Variants in DPP10 observed in about 807,000 individuals in gnomAD.
DPP10 encodes dipeptidyl peptidase like 10, also known as inactive dipeptidyl peptidase 10.
Under a neutral mutation model 120.9 loss-of-function variants are expected in DPP10, and 33 were observed. The ratio of observed to expected loss-of-function variants is 0.27; its 90% CI spans 0.21 to 0.37. DPP10 has a LOEUF of 0.37. DPP10 is among the 10% of genes least tolerant of loss of function. The pLI, the probability that DPP10 is intolerant of heterozygous loss-of-function variation, is 1.00. For synonymous variants in DPP10, 337 were observed against 326.1 expected (o/e 1.03, Z -0.36); for missense variants, 816 against 942.8 (o/e 0.87, Z 1.76).
chr2:114,967,331 G>A (rs1699104872), intron 1 of DPP10, among the ~76,000 whole-genome samples: 1 of 152,196 alleles, frequency 6.6e-6, no homozygotes, highest in African/African-American at 2.4e-5. Flanking sequence ...TGGGAACTCT[G>A]CTCTGTGGAA....
At chr2:115,717,736 G>A (rs1010933238) in intron 7 of DPP10, among the ~76,000 whole-genome samples, 1 of 152,188 alleles carries the variant, frequency 6.6e-6, no homozygotes, top group Non-Finnish European at 1.5e-5. Context: ...ATCTGATGAG[G>A]TTGCTGCAAC....
At chr2:114,652,045 A>T (rs946503491) in intron 1 of DPP10, among the ~76,000 whole-genome samples, 3 of 152,138 alleles carry the variant, frequency 2.0e-5, no homozygotes, top group Admixed American at 6.5e-5. Flanking sequence ...GATATCCATG[A>T]AGAAAAAAGG....
chr2:115,490,272 C>A (rs527961420), intron 3 of DPP10, among the ~76,000 whole-genome samples: 10 of 152,250 alleles, frequency 6.6e-5, no homozygotes, highest in African/African-American at 2.4e-4. Context: ...GAAGGTACGT[C>A]TTCACAGGGC....
At chr2:115,677,927 A>G (rs931634321) in intron 5 of DPP10, among the ~76,000 whole-genome samples, 1 of 152,240 alleles carries the variant, frequency 6.6e-6, no homozygotes. Flanking sequence ...CCTAAAAGGC[A>G]TTTATAAGTC....
At chr2:115,576,014 A>G (rs924751153) in intron 5 of DPP10, among the ~76,000 whole-genome samples, 2 of 152,198 alleles carry the variant, frequency 1.3e-5, no homozygotes, top group South Asian at 2.1e-4. Context: ...ATTTTTCCTT[A>G]GAGCCCCTAG....
intron 1 of DPP10, among the ~76,000 whole-genome samples, chr2:114,753,121 A>C (rs13386918): frequency 6.6e-6 from 1 of 152,032 alleles, no homozygotes. Context: ...GTCAAACCCA[A>C]CAATCAGGTA....
intron 1 of DPP10, among the ~76,000 whole-genome samples, chr2:114,991,792 T>C (rs1357895494): frequency 6.6e-6 from 1 of 152,172 alleles, no homozygotes; most frequent in African/African-American, 2.4e-5. Context: ...ACAGAAAAAG[T>C]GGCAGAGAGG....
intron 4 of DPP10, among the ~76,000 whole-genome samples, chr2:115,519,401 A>T (rs2077674915): frequency 6.6e-6 from 1 of 152,194 alleles, no homozygotes; most frequent in South Asian, 2.1e-4. Context: ...CAATATCAAA[A>T]TGCATGGTAA....
chr2:114,736,473 A>G (rs1389774801), intron 1 of DPP10, among the ~76,000 whole-genome samples: 1 of 152,226 alleles, frequency 6.6e-6, no homozygotes, highest in East Asian at 1.9e-4. Context: ...TTAGTCAAGT[A>G]AACATATTTT....
intron 5 of DPP10, among the ~76,000 whole-genome samples, chr2:115,605,149 A>T (rs2083616237): frequency 6.6e-6 from 1 of 152,086 alleles, no homozygotes; most frequent in Non-Finnish European, 1.5e-5. Flanking sequence ...AGAAATTTGG[A>T]GATTGTCTTT....
chr2:115,625,167 A>G (rs1323158157), intron 5 of DPP10, among the ~76,000 whole-genome samples: 5 of 152,304 alleles, frequency 3.3e-5, no homozygotes, highest in African/African-American at 9.6e-5. Flanking sequence ...TGACCATACC[A>G]TATGGATAGG....
intron 1 of DPP10, among the ~76,000 whole-genome samples, chr2:114,451,372 T>G (rs1678266029): frequency 6.6e-6 from 1 of 152,078 alleles, no homozygotes; most frequent in Admixed American, 6.6e-5. Flanking sequence ...TAGCTTTTGT[T>G]TTTGAAGAGC....
chr2:114,887,580 C>T (rs1275876094), intron 1 of DPP10, among the ~76,000 whole-genome samples: 2 of 152,182 alleles, frequency 1.3e-5, no homozygotes, highest in Non-Finnish European at 2.9e-5. Context: ...AGGTTGCTCA[C>T]CTTCCAAAAG....
chr2:115,125,972 A>G (rs1052050032), intron 1 of DPP10, among the ~76,000 whole-genome samples: 3 of 152,164 alleles, frequency 2.0e-5, no homozygotes, highest in African/African-American at 7.2e-5. Flanking sequence ...CATAATTGAG[A>G]TCGTGTATAT....
intron 20 of DPP10, 33 bp from the exon 21 acceptor site, chr2:115,815,642 A>G: frequency 6.4e-7 from 1 of 1,565,424 alleles, no homozygotes; most frequent in Admixed American, 1.8e-5. Context: ...TAACTCACAA[A>G]GATATAACTA....
intron 1 of DPP10, among the ~76,000 whole-genome samples, chr2:115,024,194 A>T (rs1425187106): frequency 6.6e-6 from 1 of 152,048 alleles, no homozygotes; most frequent in African/African-American, 2.4e-5. Context: ...CCAACAACAT[A>T]TTTGGATATT....
chr2:115,352,096 CA>C (rs1279020681), intron 3 of DPP10, among the ~76,000 whole-genome samples: 6 of 151,398 alleles, frequency 4.0e-5, no homozygotes, highest in Non-Finnish European at 7.4e-5. Context: ...CATTTAGGAA[CA>C]AAAAAGTATG....
chr2:114,737,226 C>A (rs563395737), intron 1 of DPP10, among the ~76,000 whole-genome samples: 55 of 152,298 alleles, frequency 3.6e-4, no homozygotes, highest in African/African-American at 1.3e-3. Flanking sequence ...CAAGCAGACA[C>A]ATCTCCAAAA....
intron 7 of DPP10, among the ~76,000 whole-genome samples, chr2:115,704,847 A>G (rs2092037458): frequency 6.6e-6 from 1 of 152,046 alleles, no homozygotes; most frequent in Non-Finnish European, 1.5e-5. Context: ...AAATTATCTT[A>G]TAAACCTAAT....
Sources: gnomAD v4.1 joint callset for allele counts (sites outside exome capture counted in the v4.1 genomes callset) on GRCh38, gnomAD v4.1.1 for gene constraint, MANE v1.5 for transcripts, NCBI Gene and HGNC (gene_info 2026-07-23, HGNC 2026-07-21) for gene names.